Variants in EYS observed in about 807,000 individuals in gnomAD.
EYS encodes EGF-like photoreceptor maintenance factor, also known as protein eyes shut homolog.
A neutral mutation model predicts 282.1 loss-of-function variants in EYS; 250 were observed. That is an observed-to-expected ratio of 0.89 (90% confidence interval 0.80 to 0.98). The LOEUF (loss-of-function observed/expected upper bound fraction) is 0.98, where lower values mean the gene tolerates loss of function less well. Ranked by LOEUF, EYS falls within the 50% of genes least tolerant of loss-of-function variation. The probability of loss-of-function intolerance (pLI) is 0.00; values close to 1 mark genes in which losing one functional copy is unlikely to be tolerated. For synonymous variants in EYS, 1,355 were observed against 1,282.9 expected (o/e 1.06, Z -1.20); for missense variants, 4,016 against 3,709.0 (o/e 1.08, Z -2.15).
chr6:65,663,855 T>G (rs1768097807), intron 1 of EYS, among the ~76,000 whole-genome samples: 1 of 134,260 alleles, frequency 7.4e-6, no homozygotes, highest in African/African-American at 2.6e-5. Context: ...TAATTTTTTG[T>G]TTTTTCTTTT....
chr6:65,320,659 G>A (rs1029326977), intron 11 of EYS, among the ~76,000 whole-genome samples: 9 of 152,192 alleles, frequency 5.9e-5, no homozygotes, highest in Non-Finnish European at 8.8e-5. Context: ...AGAAGGACAT[G>A]TTGTCCTTCT....
At chr6:63,919,873 G>A (rs983244437) in intron 35 of EYS, among the ~76,000 whole-genome samples, 4 of 152,212 alleles carry the variant, frequency 2.6e-5, no homozygotes, top group Admixed American at 6.5e-5. Flanking sequence ...TGTACAGTCC[G>A]ACTGCCACAT....
At chr6:63,774,145 G>C (rs182457085) in intron 40 of EYS, among the ~76,000 whole-genome samples, 72 of 150,876 alleles carry the variant, frequency 4.8e-4, no homozygotes, top group Non-Finnish European at 9.6e-4. Flanking sequence ...ACTTGTTTTT[G>C]TAAGTTTTGT....
intron 31 of EYS, among the ~76,000 whole-genome samples, chr6:64,131,033 A>T (rs1282429464): frequency 6.6e-6 from 1 of 151,894 alleles, no homozygotes; most frequent in South Asian, 2.1e-4. Flanking sequence ...ATGCCCGGCT[A>T]ATTTTTGTAT....
At chr6:64,598,061 T>C (rs1162387) in intron 24 of EYS, among the ~76,000 whole-genome samples, 18,605 of 152,266 alleles carry the variant, frequency 0.12, 1,178 homozygotes, top group East Asian at 0.17. Context: ...AAAGTGTCTG[T>C]GTATAAAAAC....
At chr6:64,933,611 G>A (rs890758826) in intron 15 of EYS, among the ~76,000 whole-genome samples, 11 of 152,088 alleles carry the variant, frequency 7.2e-5, no homozygotes, top group African/African-American at 2.7e-4. Context: ...AATACCATTT[G>A]AGCCAGCAAT....
At chr6:63,948,687 A>G (rs1275334753) in intron 35 of EYS, among the ~76,000 whole-genome samples, 1 of 152,050 alleles carries the variant, frequency 6.6e-6, no homozygotes, top group Non-Finnish European at 1.5e-5. Context: ...TATTTGAATC[A>G]ACCTTTCAGT....
intron 5 of EYS, among the ~76,000 whole-genome samples, chr6:65,411,447 T>G (rs1314638211): frequency 6.6e-6 from 1 of 152,134 alleles, no homozygotes; most frequent in Non-Finnish European, 1.5e-5. Flanking sequence ...TGAGTATGTT[T>G]ACATCTTATG....
intron 12 of EYS, among the ~76,000 whole-genome samples, chr6:65,241,771 C>A (rs1052201575): frequency 6.6e-6 from 1 of 152,052 alleles, no homozygotes; most frequent in East Asian, 1.9e-4. Flanking sequence ...GATTATCTAA[C>A]CTTGCTTGGA....
intron 19 of EYS, among the ~76,000 whole-genome samples, chr6:64,859,219 CTAATA>C (rs1477658913): frequency 2.7e-5 from 4 of 147,446 alleles, no homozygotes; most frequent in Middle Eastern, 3.3e-3. Context: ...ATATTTATAT[CTAATA>C]TATTTATATT....
chr6:64,075,055 G>C (rs767446614), intron 32 of EYS, among the ~76,000 whole-genome samples: 2 of 151,914 alleles, frequency 1.3e-5, no homozygotes, highest in African/African-American at 2.4e-5. Flanking sequence ...CATGACATAT[G>C]ATAAAGACTG....
chr6:65,616,814 T>C (rs1766215846), intron 2 of EYS, among the ~76,000 whole-genome samples: 1 of 152,016 alleles, frequency 6.6e-6, no homozygotes, highest in Non-Finnish European at 1.5e-5. Flanking sequence ...TAAGCCTTTA[T>C]TTTCTAATAA....
intron 2 of EYS, among the ~76,000 whole-genome samples, chr6:65,586,520 A>G (rs1765053769): frequency 6.6e-6 from 1 of 152,072 alleles, no homozygotes; most frequent in African/African-American, 2.4e-5. Flanking sequence ...TGTCAAGTTC[A>G]CCATTAGAGA....
intron 19 of EYS, among the ~76,000 whole-genome samples, chr6:64,880,689 T>A (rs1356489754): frequency 6.6e-6 from 1 of 150,758 alleles, no homozygotes; most frequent in Non-Finnish European, 1.5e-5. Flanking sequence ...TTTTAGAATT[T>A]TTCCTGTGGA....
intron 22 of EYS, among the ~76,000 whole-genome samples, chr6:64,740,929 G>C (rs1477542410): frequency 6.6e-6 from 1 of 152,030 alleles, no homozygotes; most frequent in Non-Finnish European, 1.5e-5. Context: ...TAGCCAGGAT[G>C]GTCTCGATCT....
chr6:65,025,268 C>T (rs1404162906), intron 13 of EYS, among the ~76,000 whole-genome samples: 1 of 152,106 alleles, frequency 6.6e-6, no homozygotes, highest in Non-Finnish European at 1.5e-5. Context: ...ACACTTCAAC[C>T]AGCTAATGTC....
At chr6:64,238,941 C>G (rs1766700778) in intron 30 of EYS, among the ~76,000 whole-genome samples, 3 of 152,080 alleles carry the variant, frequency 2.0e-5, no homozygotes, top group Non-Finnish European at 4.4e-5. Flanking sequence ...TGTGATGTTC[C>G]CCTCCCTGTG....
intron 30 of EYS, among the ~76,000 whole-genome samples, chr6:64,293,528 G>A (rs554738827): frequency 6.6e-6 from 1 of 152,108 alleles, no homozygotes; most frequent in Non-Finnish European, 1.5e-5. Context: ...GAGGATGGCA[G>A]GGTAACATAA....
intron 2 of EYS, among the ~76,000 whole-genome samples, chr6:65,599,852 GCAAA>G (rs538452970): frequency 2.3e-3 from 349 of 152,112 alleles, no homozygotes; most frequent in African/African-American, 8.1e-3. Context: ...GGTAGGGGAA[GCAAA>G]CAAACAAATA....
Sources: allele counts gnomAD v4.1 joint callset (sites outside exome capture counted in the v4.1 genomes callset), GRCh38; gene constraint gnomAD v4.1.1; transcripts MANE v1.5; gene names NCBI Gene and HGNC (gene_info 2026-07-23, HGNC 2026-07-21).